The following NOX3 variants were observed in gnomAD, a reference collection of about 807,000 sequenced individuals.
The protein encoded by NOX3 is NADPH oxidase catalytic subunit-like 3.
NOX3 carries 74 observed loss-of-function variants against 76.7 expected under a neutral mutation model. That is an observed-to-expected ratio of 0.96 (90% CI 0.80 to 1.17). The LOEUF (loss-of-function observed/expected upper bound fraction) is 1.17. NOX3 is among the 50% of genes most tolerant of loss of function. The pLI is 0.00. For synonymous variants in NOX3, 263 were observed against 261.1 expected (o/e 1.01, Z -0.07); for missense variants, 695 against 703.3 (o/e 0.99, Z 0.13).
At chr6:155,438,998 GT>G (rs1433619199) in intron 6 of NOX3, among the ~76,000 whole-genome samples, 2 of 152,168 alleles carry the variant, frequency 1.3e-5, no homozygotes, top group African/African-American at 4.8e-5. Context: ...CAGAGTAAAG[GT>G]CTGATTGATA....
intron 6 of NOX3, 122 bp from the exon 7 acceptor site, chr6:155,436,669 T>A: frequency 1.0e-6 from 1 of 971,492 alleles, no homozygotes; most frequent in Non-Finnish European, 1.5e-6. Context: ...CTTCCAGTTC[T>A]TGAAACTCGG....
chr6:155,405,105 C>A (rs1389841461), intron 12 of NOX3, among the ~76,000 whole-genome samples: 3 of 152,100 alleles, frequency 2.0e-5, no homozygotes, highest in Non-Finnish European at 2.9e-5. Context: ...GAAGGAAGTA[C>A]AAAGAGTTTA....
At chr6:155,432,344 T>C (rs1394850777) in intron 7 of NOX3, among the ~76,000 whole-genome samples, 1 of 148,812 alleles carries the variant, frequency 6.7e-6, no homozygotes, top group East Asian at 2.0e-4. Flanking sequence ...CCTTTTCATA[T>C]GTCCCTACAC....
At chr6:155,448,648 A>AG (rs1043904724) in intron 4 of NOX3, among the ~76,000 whole-genome samples, 3 of 151,890 alleles carry the variant, frequency 2.0e-5, no homozygotes, top group Non-Finnish European at 4.4e-5. Flanking sequence ...AACCAAAAAA[A>AG]AAAAAAAAAA....
intron 6 of NOX3, among the ~76,000 whole-genome samples, chr6:155,438,123 C>A (rs1226074936): frequency 1.3e-5 from 2 of 152,116 alleles, no homozygotes; most frequent in Non-Finnish European, 2.9e-5. Flanking sequence ...GTAAGCACAT[C>A]ATGTCTGTGA....
chr6:155,407,047 T>G (rs992628681), intron 12 of NOX3, 83 bp downstream of exon 12: 6 of 1,472,780 alleles, frequency 4.1e-6, no homozygotes, highest in East Asian at 4.5e-5. Context: ...TATACGGTAC[T>G]GCAGATTAAC....
chr6:155,404,279 G>A (rs1351363198), intron 12 of NOX3, among the ~76,000 whole-genome samples: 2 of 152,026 alleles, frequency 1.3e-5, no homozygotes, highest in African/African-American at 4.8e-5. Flanking sequence ...GTGTGAGGTG[G>A]GTGTGGTGAC....
rs992245290 is a variant in NOX3, at chr6:155,411,089, T to C, written c.1455+125A>G. 5.5e-6 allele frequency: 4 copies of C among 729,722 alleles called. No homozygotes were observed. The South Asian group carries it at 1.3e-4, about 24-fold the overall frequency. The allele number at this position is 729,722 out of a possible 1,614,324, so 45.2% of individuals were successfully genotyped here. A position where few individuals can be genotyped will look rare whatever the true frequency, so the allele number is the denominator to read the frequency against. ...TGGTTTTATTTTATTCTCCTTTCCC[T>C]TTTAAGAACATAAAAATAATTCTGT... is the stretch of plus-strand genomic sequence containing the variant. On this transcript the variant is annotated intron_variant, in intron 11 of 13. Transcript: ENST00000159060.
intron 12 of NOX3, among the ~76,000 whole-genome samples, chr6:155,405,622 C>A (rs903833305): frequency 6.6e-6 from 1 of 152,190 alleles, no homozygotes; most frequent in South Asian, 2.1e-4. Context: ...TGTCTGCCAA[C>A]CAGCTGCTCC....
chr6:155,428,592 T>TC (rs1029273765), intron 9 of NOX3, among the ~76,000 whole-genome samples: 2 of 150,396 alleles, frequency 1.3e-5, no homozygotes, highest in South Asian at 2.1e-4. Context: ...TTTTCTTTTT[T>TC]TTTTTTTTTT....
At chr6:155,397,055 G>T in intron 12 of NOX3, 93 bp from the exon 13 acceptor site, 2 of 1,209,838 alleles carry the variant, frequency 1.7e-6, no homozygotes, top group Non-Finnish European at 1.1e-6. Context: ...AAGTGGTTGT[G>T]GCTTTACTTA....
At chr6:155,412,059 C>T (rs1420287910) in intron 10 of NOX3, among the ~76,000 whole-genome samples, 5 of 152,114 alleles carry the variant, frequency 3.3e-5, no homozygotes, top group South Asian at 2.1e-4. Flanking sequence ...TTTTGTGCTG[C>T]GAGTTTCAAA....
chr6:155,439,102 T>C (rs1037421263), intron 6 of NOX3, among the ~76,000 whole-genome samples: 1 of 152,180 alleles, frequency 6.6e-6, no homozygotes, highest in African/African-American at 2.4e-5. Flanking sequence ...CTTTTTCCTC[T>C]TTATGAAATG....
chr6:155,425,803 G>C (rs1776748194), intron 9 of NOX3, among the ~76,000 whole-genome samples: 1 of 152,158 alleles, frequency 6.6e-6, no homozygotes, highest in Admixed American at 6.5e-5. Flanking sequence ...CCCAGCTCTG[G>C]GCAAAGGATA....
intron 12 of NOX3, among the ~76,000 whole-genome samples, chr6:155,405,094 T>G (rs538200663): frequency 1.4e-4 from 22 of 152,022 alleles, no homozygotes; most frequent in African/African-American, 4.6e-4. Flanking sequence ...AGAACAAATA[T>G]GAAGGAAGTA....
At chr6:155,436,583 C>CA (rs781326794) in intron 6 of NOX3, 36 bp from the exon 7 acceptor site, 1 of 1,606,610 alleles carries the variant, frequency 6.2e-7, no homozygotes, top group South Asian at 1.1e-5. Flanking sequence ...AAACAAAAAG[C>CA]AAAAAACGTC....
chr6:155,401,866 G>A (rs538674100), intron 12 of NOX3, among the ~76,000 whole-genome samples: 51 of 151,240 alleles, frequency 3.4e-4, no homozygotes, highest in Middle Eastern at 3.5e-3. Context: ...CCTAAAAGGC[G>A]TGGTGAAGTT....
rs1777053393 is a variant in NOX3 at position 155,445,879 on chromosome 6, TA to T, written c.341-2462del. On this transcript the variant is annotated intron_variant, in intron 4 of 13. Transcript: ENST00000159060. ...CTCTGCTGACATATACATATATATA[TA>T]TATATGCTATATATATATATTATAT... 3.4e-5 allele frequency among the ~76,000 whole-genome samples: 4 copies of T among 118,118 alleles called. No homozygotes were observed. The South Asian group carries it at 1.5e-3, about 43-fold the overall frequency. The allele number at this position is 118,118 out of a possible 152,430, so 77.5% of individuals were successfully genotyped here. A position where few individuals can be genotyped will look rare whatever the true frequency, so the allele number is the denominator to read the frequency against.
intron 10 of NOX3, among the ~76,000 whole-genome samples, chr6:155,416,354 C>T (rs1269902790): frequency 3.3e-5 from 5 of 152,186 alleles, no homozygotes; most frequent in Non-Finnish European, 7.4e-5. Flanking sequence ...AAATATATTA[C>T]CTCCTCAATA....
Sources: gnomAD v4.1 joint callset for allele counts (sites outside exome capture counted in the v4.1 genomes callset) on GRCh38, gnomAD v4.1.1 for gene constraint, MANE v1.5 for transcripts, NCBI Gene and HGNC (gene_info 2026-07-23, HGNC 2026-07-21) for gene names.